The following C16orf87 variants were observed in gnomAD, a reference collection of about 807,000 sequenced individuals.
C16orf87 encodes HDAC and MIER1 interacting protein 1.
C16orf87 carries 13 observed loss-of-function variants against 21.0 expected under a neutral mutation model. That is an observed-to-expected ratio of 0.62 (90% CI 0.40 to 0.98). The LOEUF is 0.98. C16orf87 is among the 50% of genes least tolerant of loss of function. C16orf87 has a pLI of 0.00. For missense variants in C16orf87, 113 were observed against 180.4 expected, an observed-to-expected ratio of 0.63 and a Z score of 2.14; for synonymous variants, 49 against 60.2, an observed-to-expected ratio of 0.81 and a Z score of 0.86.
At chr16:46,820,922 T>C (rs557597616) in intron 2 of C16orf87, among the ~76,000 whole-genome samples, 8 of 152,366 alleles carry the variant, frequency 5.3e-5, no homozygotes, top group African/African-American at 1.4e-4. Flanking sequence ...TTCAACCGCA[T>C]TTCCCTGATA....
At chr16:46,823,410 A>C (rs570551137) in intron 2 of C16orf87, among the ~76,000 whole-genome samples, 4 of 152,356 alleles carry the variant, frequency 2.6e-5, no homozygotes, top group African/African-American at 7.2e-5. Flanking sequence ...GGTCACCACC[A>C]TATGAAGGTC....
intron 3 of C16orf87, among the ~76,000 whole-genome samples, chr16:46,807,159 G>A (rs1379656402): frequency 2.0e-5 from 3 of 152,186 alleles, no homozygotes; most frequent in Admixed American, 6.5e-5. Context: ...AAACTAGGCC[G>A]AGTGCAGTGG....
chr16:46,828,403 A>C (rs757769737), intron 1 of C16orf87, among the ~76,000 whole-genome samples: 3 of 152,188 alleles, frequency 2.0e-5, no homozygotes, highest in Non-Finnish European at 4.4e-5. Context: ...GAAGGCAAAA[A>C]CAGAAGCATA....
intron 2 of C16orf87, among the ~76,000 whole-genome samples, chr16:46,813,009 T>G (rs1350738849): frequency 3.9e-5 from 6 of 152,118 alleles, no homozygotes; most frequent in African/African-American, 1.4e-4. Context: ...TTCCCCTAGG[T>G]GCTTTCCCAA....
At chr16:46,829,522 T>C (rs1025259113) in intron 1 of C16orf87, among the ~76,000 whole-genome samples, 1 of 152,152 alleles carries the variant, frequency 6.6e-6, no homozygotes, top group Admixed American at 6.5e-5. Context: ...CTTACAGAAA[T>C]TGGAATGCAT....
chr16:46,824,931 TA>T (rs1401361630), intron 1 of C16orf87, among the ~76,000 whole-genome samples: 2 of 152,164 alleles, frequency 1.3e-5, no homozygotes, highest in Admixed American at 6.6e-5. Context: ...CTCAAAGTGC[TA>T]GGATAACAGA....
intron 1 of C16orf87, among the ~76,000 whole-genome samples, chr16:46,825,102 G>T (rs1959564634): frequency 6.6e-6 from 1 of 152,174 alleles, no homozygotes; most frequent in Admixed American, 6.5e-5. Context: ...GCAAGGGGAA[G>T]TATGTGGAAA....
intron 2 of C16orf87, among the ~76,000 whole-genome samples, chr16:46,814,228 G>A (rs1020535832): frequency 6.6e-6 from 1 of 152,178 alleles, no homozygotes; most frequent in African/African-American, 2.4e-5. Context: ...GCTATAGAAC[G>A]GAGAGCTGTT....
chr16:46,817,765 C>T (rs1959247088), intron 2 of C16orf87, among the ~76,000 whole-genome samples: 2 of 151,760 alleles, frequency 1.3e-5, no homozygotes, highest in East Asian at 1.9e-4. Flanking sequence ...AATAGCTGTA[C>T]GGCAGACCTA....
intron 2 of C16orf87, among the ~76,000 whole-genome samples, chr16:46,821,793 T>C (rs1959425337): frequency 6.6e-6 from 1 of 152,124 alleles, no homozygotes; most frequent in African/African-American, 2.4e-5. Flanking sequence ...ACAACTACCA[T>C]CTAGTCACTG....
intron 3 of C16orf87, among the ~76,000 whole-genome samples, chr16:46,807,554 T>C (rs1967966709): frequency 6.6e-6 from 1 of 152,196 alleles, no homozygotes. Context: ...TTATGCATGA[T>C]TTATGGCTGC....
intron 2 of C16orf87, among the ~76,000 whole-genome samples, chr16:46,815,533 C>T (rs372108208): frequency 2.6e-5 from 4 of 151,860 alleles, no homozygotes; most frequent in African/African-American, 7.3e-5. Context: ...AAAGAATTTA[C>T]AAGTCAACAA....
At position 46,824,375 on chromosome 16, in the gene C16orf87, C is replaced by T. The variant is rs756874703; in HGVS notation, c.163+11G>A. On this transcript the variant is annotated intron_variant, in intron 2 of 3. Coordinates refer to ENST00000285697, the MANE Select transcript of C16orf87 (RefSeq NM_001001436.4). ...ATCAAAAAGCTAAAAATGTATTAAA[C>T]TCACAGTTACCTGTAGAAGGTGGTG... The T allele has an allele frequency of 6.6e-6, 8 of 1,216,896 alleles. No homozygotes were observed. In the African/African-American group the frequency reaches 7.7e-5, roughly 12 times the overall value. The allele number at this position is 1,216,896 out of a possible 1,614,324, so 75.4% of individuals were successfully genotyped here.
chr16:46,809,124 C>G (rs1311232172), intron 3 of C16orf87, among the ~76,000 whole-genome samples: 1 of 151,512 alleles, frequency 6.6e-6, no homozygotes, highest in Non-Finnish European at 1.5e-5. Flanking sequence ...ATGGTGAAAC[C>G]CCCCTCTACA....
intron 2 of C16orf87, among the ~76,000 whole-genome samples, chr16:46,814,239 C>T (rs1968178211): frequency 6.6e-6 from 1 of 152,172 alleles, no homozygotes; most frequent in South Asian, 2.1e-4. Flanking sequence ...GAGAGCTGTT[C>T]CTCCCAAAGG....
At position 46,799,152 on chromosome 16, in the gene C16orf87, C is replaced by T. The variant is rs987890863; in HGVS notation, c.*3800G>A. 6.6e-6 allele frequency: 1 copy of T among 152,146 alleles called. No homozygotes were observed. The highest frequency in any genetic ancestry group is 1.5e-5 in the Non-Finnish European group (1 of 68,018). The allele number at this position is 152,146 out of a possible 1,614,324, so 9.4% of individuals were successfully genotyped here. On this transcript the variant is annotated 3_prime_UTR_variant, in exon 4 of 4. Coordinates refer to ENST00000285697, the MANE Select transcript of C16orf87 (RefSeq NM_001001436.4). ...TCCAGACTCTGTTATATGTCTCATACTTTTAATCCTGGAGAGTCTGCTTTG... is the reference window on the plus strand; with the variant it reads ...TCCAGACTCTGTTATATGTCTCATATTTTTAATCCTGGAGAGTCTGCTTTG...
Position 46,800,748 on chromosome 16 carries a change from CAAATT to C in C16orf87, c.*2199_*2203del, listed in dbSNP as rs894079068. 11 of 152,110 alleles carry C rather than the reference CAAATT, an allele frequency of 7.2e-5. No homozygotes were observed. The highest frequency in any genetic ancestry group is 2.4e-4 in the African/African-American group (10 of 41,424). 9.4% of individuals were successfully genotyped at this position (152,110 alleles called of 1,614,324 possible). A position where few individuals can be genotyped will look rare whatever the true frequency, so the allele number is the denominator to read the frequency against. Reference sequence around the variant, plus strand: ...CTGGGACCATTACAACATGCCTAGACAAATTAAATTTTTTAGCTTTATAACAAGAA... The same window carrying C: ...CTGGGACCATTACAACATGCCTAGACAAATTTTTTAGCTTTATAACAAGAA... On this transcript the variant is annotated 3_prime_UTR_variant, in exon 4 of 4. Transcript: ENST00000285697.
chr16:46,807,575 C>T (rs1276994325), intron 3 of C16orf87, among the ~76,000 whole-genome samples: 1 of 152,170 alleles, frequency 6.6e-6, no homozygotes, highest in East Asian at 1.9e-4. Flanking sequence ...TTTCCAGCTA[C>T]AATGGCAGAG....
At chr16:46,827,933 C>G (rs1240924239) in intron 1 of C16orf87, among the ~76,000 whole-genome samples, 2 of 146,806 alleles carry the variant, frequency 1.4e-5, no homozygotes, top group Non-Finnish European at 1.5e-5. Flanking sequence ...TAGTGTTTCA[C>G]TGATTTTTTT....
Sources: allele counts gnomAD v4.1 joint callset (sites outside exome capture counted in the v4.1 genomes callset), GRCh38; gene constraint gnomAD v4.1.1; transcripts MANE v1.5; gene names NCBI Gene and HGNC (gene_info 2026-07-23, HGNC 2026-07-21).